The following KHDRBS3 variants were observed in gnomAD, a reference collection of about 807,000 sequenced individuals.
KHDRBS3 encodes the protein KH domain-containing, RNA-binding, signal transduction-associated protein 3.
In KHDRBS3, 23 loss-of-function variants were observed where a neutral mutation model predicts 45.6. The ratio of observed to expected loss-of-function variants is 0.50; its 90% confidence interval spans 0.36 to 0.72. The LOEUF is 0.72. Ranked by LOEUF, KHDRBS3 falls within the 30% of genes least tolerant of loss-of-function variation. The pLI is 0.00. For synonymous variants in KHDRBS3, 162 were observed against 156.5 expected (o/e 1.04, Z -0.26); for missense variants, 352 against 424.8 (o/e 0.83, Z 1.51).
downstream of KHDRBS3, among the ~76,000 whole-genome samples, chr8:135,652,505 G>A (rs990229103): frequency 5.8e-4 from 88 of 152,300 alleles, no homozygotes; most frequent in African/African-American, 2.1e-3. Flanking sequence ...AGCCCACTGT[G>A]GTCCAGCCCT....
downstream of KHDRBS3, among the ~76,000 whole-genome samples, chr8:135,652,089 C>T (rs1247419547): frequency 1.3e-5 from 2 of 152,126 alleles, no homozygotes. Context: ...ATTTTCTGTG[C>T]AAACAATATC....
chr8:135,580,909 G>T (rs544993949), intron 5 of KHDRBS3, among the ~76,000 whole-genome samples: 1 of 152,060 alleles, frequency 6.6e-6, no homozygotes, highest in African/African-American at 2.4e-5. Context: ...CGTCACACCC[G>T]GCCAAAACCC....
intron 5 of KHDRBS3, among the ~76,000 whole-genome samples, chr8:135,567,109 T>C (rs1827461461): frequency 6.6e-6 from 1 of 152,016 alleles, no homozygotes; most frequent in South Asian, 2.1e-4. Context: ...CTGAGTGGGG[T>C]TGGAGTTGAC....
downstream of KHDRBS3, chr8:135,648,605 T>G (rs1831367130): frequency 6.6e-6 from 1 of 152,204 alleles, no homozygotes; most frequent in Non-Finnish European, 1.5e-5. Context: ...AAAGGTAAGT[T>G]TGCCTTTTTG....
At chr8:135,538,125 C>T (rs933873765) in intron 2 of KHDRBS3, among the ~76,000 whole-genome samples, 1 of 151,990 alleles carries the variant, frequency 6.6e-6, no homozygotes, top group Non-Finnish European at 1.5e-5. Context: ...TGGGGCAGTG[C>T]GATGAATGGG....
intron 1 of KHDRBS3, among the ~76,000 whole-genome samples, chr8:135,467,963 C>T (rs902406086): frequency 6.6e-6 from 1 of 152,196 alleles, no homozygotes; most frequent in African/African-American, 2.4e-5. Flanking sequence ...GTCATTCCAT[C>T]TACATTTATT....
chr8:135,650,063 C>A (rs1175986403), downstream of KHDRBS3, among the ~76,000 whole-genome samples: 1 of 152,034 alleles, frequency 6.6e-6, no homozygotes, highest in Non-Finnish European at 1.5e-5. Flanking sequence ...CAAATCGCTT[C>A]CCCCTAACCT....
intron 5 of KHDRBS3, among the ~76,000 whole-genome samples, chr8:135,577,499 A>C (rs915384683): frequency 1.3e-5 from 2 of 152,080 alleles, no homozygotes; most frequent in African/African-American, 4.8e-5. Context: ...CATACAGTTG[A>C]AAGCATATAG....
chr8:135,611,320 G>C (rs1471107200), intron 7 of KHDRBS3, among the ~76,000 whole-genome samples: 1 of 151,954 alleles, frequency 6.6e-6, no homozygotes, highest in African/African-American at 2.4e-5. Context: ...ACTTGCTTCA[G>C]ATCGTACAGT....
intron 7 of KHDRBS3, among the ~76,000 whole-genome samples, chr8:135,620,615 T>C (rs1357386138): frequency 6.6e-6 from 1 of 152,216 alleles, no homozygotes; most frequent in Non-Finnish European, 1.5e-5. Context: ...TTTGAAGATA[T>C]TGTGGTTTTT....
At chr8:135,487,295 T>G (rs1822911905) in intron 1 of KHDRBS3, among the ~76,000 whole-genome samples, 2 of 152,150 alleles carry the variant, frequency 1.3e-5, no homozygotes, top group Non-Finnish European at 2.9e-5. Flanking sequence ...GTAAGTAGCT[T>G]AGAGGTGCTG....
At chr8:135,536,255 T>G (rs901965309) in intron 2 of KHDRBS3, among the ~76,000 whole-genome samples, 12 of 146,376 alleles carry the variant, frequency 8.2e-5, no homozygotes, top group Non-Finnish European at 1.6e-4. Flanking sequence ...TTTTTTTTTT[T>G]TTTTTTTATT....
chr8:135,641,233 A>G (rs1007668663), intron 7 of KHDRBS3, among the ~76,000 whole-genome samples: 1 of 152,188 alleles, frequency 6.6e-6, no homozygotes, highest in Non-Finnish European at 1.5e-5. Context: ...GTCTATGCTC[A>G]TGTTCATCAC....
At chr8:135,535,020 G>C (rs1296870742) in intron 2 of KHDRBS3, among the ~76,000 whole-genome samples, 1 of 152,068 alleles carries the variant, frequency 6.6e-6, no homozygotes, top group African/African-American at 2.4e-5. Context: ...CGAAGTTGCT[G>C]AATTGTGAGC....
At chr8:135,483,102 A>G (rs1374818577) in intron 1 of KHDRBS3, among the ~76,000 whole-genome samples, 39 of 151,852 alleles carry the variant, frequency 2.6e-4, no homozygotes, top group Admixed American at 2.6e-3. Flanking sequence ...CCACCCCCCA[A>G]CCCTGTATCT....
chr8:135,483,230 C>T (rs1822676161), intron 1 of KHDRBS3, among the ~76,000 whole-genome samples: 1 of 152,186 alleles, frequency 6.6e-6, no homozygotes, highest in Non-Finnish European at 1.5e-5. Context: ...TATTTATGGA[C>T]TCTTTTCTTT....
At chr8:135,491,153 A>G (rs1206819033) in intron 1 of KHDRBS3, among the ~76,000 whole-genome samples, 1 of 152,172 alleles carries the variant, frequency 6.6e-6, no homozygotes, top group African/African-American at 2.4e-5. Flanking sequence ...CCTCTGCCTC[A>G]TTTCTCCAAA....
intron 2 of KHDRBS3, among the ~76,000 whole-genome samples, chr8:135,530,923 A>G (rs1005254089): frequency 6.6e-6 from 1 of 152,088 alleles, no homozygotes. Flanking sequence ...ATCGATTGCA[A>G]TAGATTCTTT....
intron 6 of KHDRBS3, among the ~76,000 whole-genome samples, chr8:135,591,672 G>T (rs1828751345): frequency 6.6e-6 from 1 of 152,146 alleles, no homozygotes; most frequent in Non-Finnish European, 1.5e-5. Flanking sequence ...ATCAATGAAG[G>T]CCTTTAAGGG....
Sources: allele counts gnomAD v4.1 joint callset (sites outside exome capture counted in the v4.1 genomes callset), GRCh38; gene constraint gnomAD v4.1.1; transcripts MANE v1.5; gene names NCBI Gene and HGNC (gene_info 2026-07-23, HGNC 2026-07-21).